The following GABRA2 variants were observed in gnomAD, a reference collection of about 807,000 sequenced individuals.
GABRA2 encodes the protein gamma-aminobutyric acid type A receptor subunit alpha2.
In GABRA2, 16 loss-of-function variants were observed where a neutral mutation model predicts 48.7. That is an observed-to-expected ratio of 0.33 (90% CI 0.22 to 0.50). The LOEUF (loss-of-function observed/expected upper bound fraction) is 0.50, where lower values mean the gene tolerates loss of function less well. Ranked by LOEUF, GABRA2 falls within the 20% of genes least tolerant of loss-of-function variation. The pLI is 0.98. For synonymous variants in GABRA2, 185 were observed against 184.5 expected, an observed-to-expected ratio of 1.00 and a Z score of -0.02; for missense variants, 275 against 535.6, an observed-to-expected ratio of 0.51 and a Z score of 4.80.
In GABRA2 at chr4:46,296,957, G is replaced by A. The variant is rs189914341; in HGVS notation, c.856+6503C>T. On this transcript the variant is annotated intron_variant, in intron 8 of 9. Transcript: ENST00000381620. ...ATTGGCATTTGGGTTGGGGATTGGT[G>A]CATTTCCGGTTGTACGAAAGATAGT... 2.6e-5 allele frequency among the ~76,000 whole-genome samples: 4 copies of A among 152,270 alleles called. No homozygotes were observed. In the East Asian group the frequency reaches 7.7e-4, roughly 29 times the overall value.
intron 4 of GABRA2, among the ~76,000 whole-genome samples, chr4:46,324,524 A>G (rs1383795587): frequency 1.3e-4 from 20 of 152,036 alleles, no homozygotes; most frequent in Admixed American, 1.3e-3. Context: ...TTTAAAAATC[A>G]CTACATGTTC....
intron 8 of GABRA2, among the ~76,000 whole-genome samples, chr4:46,277,101 C>T (rs1720655413): frequency 6.6e-6 from 1 of 152,076 alleles, no homozygotes; most frequent in Non-Finnish European, 1.5e-5. Flanking sequence ...TATCACAATT[C>T]ATTATTCATA....
intron 7 of GABRA2, among the ~76,000 whole-genome samples, 153 bp downstream of exon 7, chr4:46,305,415 A>T (rs1726508127): frequency 1.9e-5 from 1 of 53,826 alleles, no homozygotes; most frequent in Admixed American, 2.3e-4. Context: ...AAGTATAATT[A>T]AAAAAAAAAA....
intron 9 of GABRA2, 65 bp from the exon 10 acceptor site, chr4:46,250,669 C>G: frequency 8.1e-7 from 1 of 1,240,746 alleles, no homozygotes. Context: ...TTTCTAAAGT[C>G]CACTTCAAAT....
At chr4:46,261,885 G>T in intron 9 of GABRA2, 41 bp downstream of exon 9, 2 of 1,466,616 alleles carry the variant, frequency 1.4e-6, no homozygotes, top group Non-Finnish European at 1.9e-6. Context: ...AATTCATTAG[G>T]GTATTTTCTT....
intron 3 of GABRA2, among the ~76,000 whole-genome samples, chr4:46,377,789 G>A (rs1716063291): frequency 7.2e-6 from 1 of 138,402 alleles, no homozygotes; most frequent in Non-Finnish European, 1.6e-5. Context: ...GGGCGCCTCT[G>A]CCCGGCCGCC....
chr4:46,326,944 C>T (rs1730490395), intron 4 of GABRA2, among the ~76,000 whole-genome samples: 1 of 151,770 alleles, frequency 6.6e-6, no homozygotes, highest in Non-Finnish European at 1.5e-5. Flanking sequence ...CCCAAGATGT[C>T]ATTCTATACT....
chr4:46,386,312 CCTT>C (rs1322187376), intron 2 of GABRA2, 123 bp from the exon 3 acceptor site: 13 of 593,564 alleles, frequency 2.2e-5, no homozygotes, highest in Non-Finnish European at 2.9e-6. Context: ...CCGTTTTCCT[CCTT>C]TTTTTTTAAC....
chr4:46,266,824 C>T (rs1282985687), intron 8 of GABRA2, among the ~76,000 whole-genome samples: 1 of 147,130 alleles, frequency 6.8e-6, no homozygotes, highest in East Asian at 2.0e-4. Flanking sequence ...CAGGTTCAAG[C>T]AATTCTCCTG....
At chr4:46,334,221 C>T (rs978911090) in intron 3 of GABRA2, among the ~76,000 whole-genome samples, 2 of 152,120 alleles carry the variant, frequency 1.3e-5, no homozygotes, top group African/African-American at 2.4e-5. Flanking sequence ...AATGGTCTAT[C>T]TGTGCTCTCT....
At chr4:46,354,692 CT>C (rs1396380763) in intron 3 of GABRA2, among the ~76,000 whole-genome samples, 1 of 152,088 alleles carries the variant, frequency 6.6e-6, no homozygotes, top group Non-Finnish European at 1.5e-5. Flanking sequence ...CTTTAAGCGG[CT>C]TGTTTGGAAT....
intron 4 of GABRA2, among the ~76,000 whole-genome samples, chr4:46,322,183 A>G (rs1729565870): frequency 6.6e-6 from 1 of 151,982 alleles, no homozygotes; most frequent in African/African-American, 2.4e-5. Context: ...CCTGTGAAAA[A>G]GGCATGGAAA....
intron 3 of GABRA2, chr4:46,368,138 A>C (rs767650063): frequency 6.6e-6 from 1 of 152,126 alleles, no homozygotes; most frequent in African/African-American, 2.4e-5. Flanking sequence ...ATCCAACCTC[A>C]GTGGACAAGG....
At position 46,389,940 on chromosome 4, in the gene GABRA2, C is replaced by G; in HGVS notation, c.-216G>C. The stretch of plus-strand genomic sequence containing the variant: ...AGAGGAGCGCTAGGAGCCGCGGCGG[C>G]GGCGCGAGGTGTAGAAGGAGGCGAA... On this transcript the variant is annotated 5_prime_UTR_variant, in exon 1 of 10. Coordinates refer to ENST00000381620, the MANE Select transcript of GABRA2 (RefSeq NM_000807.4). 2 of 983,684 alleles carry G rather than the reference C, an allele frequency of 2.0e-6. No individual in the cohort carries two copies. The highest frequency in any genetic ancestry group is 2.4e-6 in the Non-Finnish European group (2 of 831,062). The allele number at this position is 983,684 out of a possible 1,614,324, so 60.9% of individuals were successfully genotyped here.
intron 8 of GABRA2, among the ~76,000 whole-genome samples, chr4:46,273,998 C>T (rs950466668): frequency 2.6e-5 from 4 of 151,970 alleles, no homozygotes; most frequent in African/African-American, 9.7e-5. Context: ...ATCTTAGCTC[C>T]TATAGCTATA....
At chr4:46,269,417 A>G (rs1718864561) in intron 8 of GABRA2, among the ~76,000 whole-genome samples, 1 of 151,886 alleles carries the variant, frequency 6.6e-6, no homozygotes, top group South Asian at 2.1e-4. Flanking sequence ...AAATTGGCCT[A>G]TTAACTGATA....
At chr4:46,258,328 G>A (rs75443021) in intron 9 of GABRA2, among the ~76,000 whole-genome samples, 2 of 151,734 alleles carry the variant, frequency 1.3e-5, no homozygotes, top group African/African-American at 4.8e-5. Context: ...TACGATAAAG[G>A]TTCTAATGCA....
intron 9 of GABRA2, among the ~76,000 whole-genome samples, chr4:46,258,949 A>C (rs549757698): frequency 2.7e-4 from 41 of 152,030 alleles, no homozygotes; most frequent in South Asian, 1.0e-3. Flanking sequence ...CAATGCTTTT[A>C]AAAAGTTTGA....
At chr4:46,269,102 T>C (rs1718805687) in intron 8 of GABRA2, among the ~76,000 whole-genome samples, 1 of 151,790 alleles carries the variant, frequency 6.6e-6, no homozygotes, top group South Asian at 2.1e-4. Context: ...GGAAGAATAA[T>C]TTTGATGTTT....
Sources: gnomAD v4.1 joint callset for allele counts (sites outside exome capture counted in the v4.1 genomes callset) on GRCh38, gnomAD v4.1.1 for gene constraint, MANE v1.5 for transcripts, NCBI Gene and HGNC (gene_info 2026-07-23, HGNC 2026-07-21) for gene names.